Variants in RANBP2 observed in about 807,000 individuals in gnomAD.
RANBP2 encodes E3 SUMO-protein ligase RanBP2.
RANBP2 carries 57 observed loss-of-function variants against 303.6 expected under a neutral mutation model. The ratio of observed to expected loss-of-function variants is 0.19; its 90% CI spans 0.15 to 0.23. The LOEUF is 0.23. RANBP2 is among the 10% of genes least tolerant of loss of function. The pLI, the probability that RANBP2 is intolerant of heterozygous loss-of-function variation, is 1.00. For missense variants in RANBP2, 3,138 were observed against 3,780.8 expected (o/e 0.83, Z 4.46); for synonymous variants, 1,167 against 1,301.5 (o/e 0.90, Z 2.23).
chr2:109,195,428 C>G, the RANBP2 span, among the ~76,000 whole-genome samples: 1 of 152,260 alleles, frequency 6.6e-6, no homozygotes, highest in Admixed American at 6.5e-5. Flanking sequence ...GCGTCTGCCA[C>G]TCATGCCTGA....
the RANBP2 span, among the ~76,000 whole-genome samples, chr2:109,385,378 C>T: frequency 6.6e-6 from 1 of 152,238 alleles, no homozygotes. Flanking sequence ...CCTCCCATGT[C>T]ACTCTGCAGA....
the RANBP2 span, among the ~76,000 whole-genome samples, chr2:109,140,710 T>A: frequency 6.6e-6 from 1 of 152,122 alleles, no homozygotes; most frequent in Admixed American, 6.5e-5. Flanking sequence ...TTATGGGAAA[T>A]AGAATTTTTT....
At chr2:109,460,836 A>C in the RANBP2 span, among the ~76,000 whole-genome samples, 1 of 152,240 alleles carries the variant, frequency 6.6e-6, no homozygotes, top group Non-Finnish European at 1.5e-5. Flanking sequence ...AGCAAAGTGC[A>C]CAACCAGGTG....
At chr2:108,993,623 C>T in the RANBP2 span, among the ~76,000 whole-genome samples, 1 of 152,030 alleles carries the variant, frequency 6.6e-6, no homozygotes, top group African/African-American at 2.4e-5. Context: ...CTGTCCTCCC[C>T]CAGCATAAAT....
the RANBP2 span, among the ~76,000 whole-genome samples, chr2:109,488,747 G>C: frequency 7.9e-5 from 12 of 152,342 alleles, no homozygotes; most frequent in African/African-American, 2.2e-4. Flanking sequence ...AGCACATGAA[G>C]GGCTGCAACG....
the RANBP2 span, among the ~76,000 whole-genome samples, chr2:109,040,899 C>T: frequency 6.6e-6 from 1 of 151,862 alleles, no homozygotes; most frequent in Non-Finnish European, 1.5e-5. Context: ...ACTAAAAATA[C>T]AAAAAAATTA....
chr2:108,786,893 T>C, downstream of RANBP2: 1 of 1,554,944 alleles, frequency 6.4e-7, no homozygotes, highest in Non-Finnish European at 8.7e-7. Context: ...CGCTACGGAC[T>C]CGGGGGCAGC....
At chr2:108,870,125 G>C in the RANBP2 span, among the ~76,000 whole-genome samples, 1 of 152,020 alleles carries the variant, frequency 6.6e-6, no homozygotes, top group Non-Finnish European at 1.5e-5. Context: ...AATGAAATCA[G>C]GGAAATGATA....
At chr2:109,536,724 C>A in the RANBP2 span, among the ~76,000 whole-genome samples, 1 of 152,038 alleles carries the variant, frequency 6.6e-6, no homozygotes, top group Non-Finnish European at 1.5e-5. Context: ...TGGCTGTGTC[C>A]CCACTGGAAG....
the RANBP2 span, among the ~76,000 whole-genome samples, chr2:108,918,119 G>C: frequency 6.6e-6 from 1 of 152,210 alleles, no homozygotes; most frequent in Admixed American, 6.5e-5. Context: ...GGTCTGGGCT[G>C]ATCCTCTTCC....
chr2:109,059,571 G>T, the RANBP2 span, among the ~76,000 whole-genome samples: 1 of 149,234 alleles, frequency 6.7e-6, no homozygotes. Context: ...GCAAGGCTCC[G>T]TCTCAAAAAA....
chr2:109,428,117 G>A, the RANBP2 span, among the ~76,000 whole-genome samples: 1 of 152,244 alleles, frequency 6.6e-6, no homozygotes, highest in Non-Finnish European at 1.5e-5. Flanking sequence ...AGATGGAAGA[G>A]GTGAGGAGGA....
the RANBP2 span, among the ~76,000 whole-genome samples, chr2:109,133,159 C>A: frequency 6.6e-6 from 1 of 152,122 alleles, no homozygotes; most frequent in Admixed American, 6.5e-5. Context: ...CGGTGTCACT[C>A]CAGAATTCTG....
the RANBP2 span, among the ~76,000 whole-genome samples, chr2:108,796,343 C>T: frequency 6.6e-6 from 1 of 152,250 alleles, no homozygotes; most frequent in African/African-American, 2.4e-5. Context: ...CGTGAGCCAC[C>T]GCGCCTGGCC....
At chr2:108,968,634 AC>A in the RANBP2 span, among the ~76,000 whole-genome samples, 1 of 152,162 alleles carries the variant, frequency 6.6e-6, no homozygotes, top group Non-Finnish European at 1.5e-5. Flanking sequence ...CTTCCTAGCT[AC>A]CAGGGAAGAA....
the RANBP2 span, among the ~76,000 whole-genome samples, chr2:109,428,465 C>G: frequency 6.6e-6 from 1 of 152,222 alleles, no homozygotes; most frequent in Non-Finnish European, 1.5e-5. Context: ...CCGAGTCGGC[C>G]CAGCCGCCAG....
chr2:109,293,591 G>C, the RANBP2 span, among the ~76,000 whole-genome samples: 1 of 152,238 alleles, frequency 6.6e-6, no homozygotes, highest in African/African-American at 2.4e-5. Context: ...GCCAACCTGG[G>C]AAGCCTCTTC....
the RANBP2 span, among the ~76,000 whole-genome samples, chr2:108,866,832 G>A: frequency 1.3e-4 from 20 of 151,640 alleles, no homozygotes; most frequent in East Asian, 7.7e-4. Context: ...GCAGTGAGCC[G>A]AGATCACGCC....
At chr2:109,438,833 T>G in the RANBP2 span, among the ~76,000 whole-genome samples, 2 of 152,200 alleles carry the variant, frequency 1.3e-5, no homozygotes, top group Non-Finnish European at 2.9e-5. Flanking sequence ...GTTTGGCCAC[T>G]GGAGCACCCA....
Sources: gnomAD v4.1 joint callset for allele counts (sites outside exome capture counted in the v4.1 genomes callset) on GRCh38, gnomAD v4.1.1 for gene constraint, MANE v1.5 for transcripts, NCBI Gene and HGNC (gene_info 2026-07-23, HGNC 2026-07-21) for gene names.